CLCN5: variants seen among roughly 807,000 people sequenced by gnomAD.
The protein encoded by CLCN5 is Cl-/H+ antiporter 5.
Under a neutral mutation model 54.0 loss-of-function variants are expected in CLCN5, and 17 were observed. The observed-to-expected ratio is 0.31, with a 90% CI of 0.22 to 0.47. The LOEUF (loss-of-function observed/expected upper bound fraction) is 0.47. CLCN5 is among the 20% of genes least tolerant of loss of function. The probability of loss-of-function intolerance (pLI) is 1.00; values close to 1 mark genes in which losing one functional copy is unlikely to be tolerated. For synonymous variants in CLCN5, 222 were observed against 233.0 expected (o/e 0.95, Z 0.43); for missense variants, 448 against 646.7 (o/e 0.69, Z 3.33).
chrX:50,032,955 C>T (rs1469873608), intron 3 of CLCN5, among the ~76,000 whole-genome samples: 1 of 111,310 alleles, frequency 9.0e-6, no homozygotes, highest in Admixed American at 9.6e-5. Context: ...CCAGTTTTCC[C>T]AGCACCATTT....
chrX:50,035,474 G>A (rs1253673404), intron 3 of CLCN5, among the ~76,000 whole-genome samples: 2 of 111,431 alleles, frequency 1.8e-5, no homozygotes, highest in East Asian at 2.8e-4. Flanking sequence ...AGGACATGGT[G>A]TAGTCACAAG....
intron 3 of CLCN5, among the ~76,000 whole-genome samples, chrX:49,951,417 T>C (rs1158893184): frequency 8.9e-6 from 1 of 112,047 alleles, no homozygotes; most frequent in African/African-American, 3.2e-5. Context: ...CTTTTAAACT[T>C]AGGTACATTC....
chrX:49,982,594 GGTAC>G (rs1557177805), intron 3 of CLCN5, among the ~76,000 whole-genome samples: 2 of 111,695 alleles, frequency 1.8e-5, no homozygotes, highest in Non-Finnish European at 3.8e-5. Context: ...CCTCTTAAGA[GGTAC>G]GGCTCTAGAA....
chrX:50,033,614 A>G (rs1282168243), intron 3 of CLCN5, among the ~76,000 whole-genome samples: 5 of 111,245 alleles, frequency 4.5e-5, no homozygotes, highest in East Asian at 2.8e-4. Context: ...TATAGGTTCA[A>G]TGCCATCCCC....
intron 3 of CLCN5, among the ~76,000 whole-genome samples, chrX:49,933,285 C>G (rs1925757937): frequency 8.9e-6 from 1 of 112,094 alleles, no homozygotes; most frequent in Non-Finnish European, 1.9e-5. Flanking sequence ...TTCCTTGTCT[C>G]TCTTCACCTT....
intron 3 of CLCN5, among the ~76,000 whole-genome samples, chrX:49,941,668 C>A (rs1372607120): frequency 9.0e-6 from 1 of 111,043 alleles, no homozygotes; most frequent in African/African-American, 3.3e-5. Flanking sequence ...CCAGGTTCAA[C>A]TGCAAACCAA....
intron 4 of CLCN5, among the ~76,000 whole-genome samples, chrX:50,064,866 A>T (rs1309012071): frequency 1.9e-5 from 2 of 107,039 alleles, no homozygotes; most frequent in Non-Finnish European, 3.8e-5. Flanking sequence ...GCTTACCTAC[A>T]ACTATCTGAT....
chrX:49,960,916 C>T (rs1015311764), intron 3 of CLCN5, among the ~76,000 whole-genome samples: 19 of 111,352 alleles, frequency 1.7e-4, no homozygotes, highest in African/African-American at 5.2e-4. Flanking sequence ...TCTATACTTC[C>T]TTATCTTTCA....
chrX:50,088,583 A>G (rs1268955164), intron 11 of CLCN5, 115 bp from the exon 12 acceptor site: 17 of 674,035 alleles, frequency 2.5e-5, no homozygotes, highest in Non-Finnish European at 4.1e-5. Context: ...AGCATAGTGC[A>G]TAGTTAAATT....
chrX:49,934,097 A>G (rs782535644), intron 3 of CLCN5, among the ~76,000 whole-genome samples: 1 of 110,564 alleles, frequency 9.0e-6, no homozygotes, highest in East Asian at 2.9e-4. Context: ...CAATCTGTCT[A>G]CCTATTTGGT....
chrX:50,059,877 A>G (rs987134852), intron 4 of CLCN5, among the ~76,000 whole-genome samples: 1 of 108,231 alleles, frequency 9.2e-6, no homozygotes, highest in African/African-American at 3.4e-5. Context: ...TAGGAACTAT[A>G]TATTTTTATG....
At chrX:50,051,739 C>T (rs1325526431) in intron 4 of CLCN5, among the ~76,000 whole-genome samples, 1 of 111,545 alleles carries the variant, frequency 9.0e-6, no homozygotes, top group African/African-American at 3.3e-5. Flanking sequence ...TAGATTTCGA[C>T]CTCTAAGTAT....
chrX:50,075,966 T>C lies in CLCN5; in HGVS notation c.587T>C (p.Ile196Thr), dbSNP rs1557192092. The change falls in exon 7 of 15, where the codon ATC (isoleucine) becomes ACC (threonine). Residue 196 changes from isoleucine to threonine, a missense_variant. Transcript: ENST00000376091. ...GAGTGGAATAGTTGGTCCCAGCTTA[T>C]CATCAGCACAGATGAGGTAACATGT... ...CPEWNSWSQLIISTDEGAFAY... is the reference protein window; with the variant it reads ...CPEWNSWSQLTISTDEGAFAY... 1 of 1,209,436 alleles carries C rather than the reference T, an allele frequency of 8.3e-7. No homozygotes were observed. The highest frequency in any genetic ancestry group is 2.2e-5 in the Admixed American group (1 of 46,091).
intron 3 of CLCN5, among the ~76,000 whole-genome samples, chrX:50,026,076 G>A (rs1327555589): frequency 4.5e-5 from 5 of 111,661 alleles, no homozygotes; most frequent in African/African-American, 9.8e-5. Flanking sequence ...TTGATAAGTG[G>A]TTTCTTCATT....
At chrX:49,966,771 C>G (rs1337939210) in intron 3 of CLCN5, among the ~76,000 whole-genome samples, 1 of 23,238 alleles carries the variant, frequency 4.3e-5, no homozygotes, top group Non-Finnish European at 6.1e-5. Flanking sequence ...CCCCCCTCCC[C>G]CGACCCCACC....
intron 4 of CLCN5, among the ~76,000 whole-genome samples, chrX:50,065,987 G>T (rs1285601139): frequency 7.0e-5 from 6 of 86,278 alleles, no homozygotes; most frequent in Middle Eastern, 5.4e-3. Flanking sequence ...ACAGGAAGGG[G>T]AATATCACAC....
intron 3 of CLCN5, among the ~76,000 whole-genome samples, chrX:49,951,946 A>C (rs548230300): frequency 8.9e-6 from 1 of 112,302 alleles, no homozygotes; most frequent in Non-Finnish European, 1.9e-5. Context: ...TACACTGCTT[A>C]TCTAAGTCTT....
chrX:50,083,465 T>A (rs1242907620), intron 9 of CLCN5, among the ~76,000 whole-genome samples: 1 of 112,019 alleles, frequency 8.9e-6, no homozygotes, highest in Non-Finnish European at 1.9e-5. Context: ...AAACATTTTT[T>A]TTCTAGAAGG....
intron 3 of CLCN5, among the ~76,000 whole-genome samples, chrX:49,988,603 C>T (rs782075701): frequency 3.6e-5 from 4 of 111,477 alleles, no homozygotes; most frequent in Non-Finnish European, 7.5e-5. Context: ...TGCTGAAAGA[C>T]CTGCTCTTTT....
Sources: allele counts gnomAD v4.1 joint callset (sites outside exome capture counted in the v4.1 genomes callset), GRCh38; gene constraint gnomAD v4.1.1; transcripts MANE v1.5; gene names NCBI Gene and HGNC (gene_info 2026-07-23, HGNC 2026-07-21).